The following PIP5K1A variants were observed in gnomAD, a reference collection of about 807,000 sequenced individuals.
The protein encoded by PIP5K1A is phosphatidylinositol-4-phosphate 5-kinase type 1 alpha.
In PIP5K1A, 46 loss-of-function variants were observed where a neutral mutation model predicts 72.9. The ratio of observed to expected loss-of-function variants is 0.63; its 90% CI spans 0.50 to 0.81. PIP5K1A has a LOEUF of 0.81. Among genes scored for constraint, PIP5K1A ranks in the 30% least tolerant of loss-of-function variants. The pLI, the probability that PIP5K1A is intolerant of heterozygous loss-of-function variation, is 0.00. For synonymous variants in PIP5K1A, 228 were observed against 255.1 expected (o/e 0.89, Z 1.01); for missense variants, 458 against 706.1 (o/e 0.65, Z 3.98).
chr1:151,215,586 A>G (rs922143229), intron 1 of PIP5K1A, among the ~76,000 whole-genome samples: 3 of 152,168 alleles, frequency 2.0e-5, no homozygotes, highest in Admixed American at 6.5e-5. Flanking sequence ...CACGCCTCCC[A>G]AAGTGCTGGG....
chr1:151,198,834 C>G lies in PIP5K1A; in HGVS notation c.-163C>G, dbSNP rs1011630236. 1.4e-6 allele frequency: 1 copy of G among 706,200 alleles called. No individual in the cohort carries two copies. Among genetic ancestry groups the G allele is most frequent in the Admixed American group, 2.2e-5 (1 of 45,968 alleles). 43.7% of individuals were successfully genotyped at this position (706,200 alleles called of 1,614,324 possible). On this transcript the variant is annotated 5_prime_UTR_variant, in exon 1 of 16. Coordinates refer to ENST00000368888, the MANE Select transcript of PIP5K1A (RefSeq NM_001135638.2). ...GCGAATGGTGTGGCCTTGAGCTGGT[C>G]CAGGAGCCGGCTCGACGTGTCTGAG...
At chr1:151,207,159 C>T (rs587623845) in intron 1 of PIP5K1A, among the ~76,000 whole-genome samples, 3 of 152,268 alleles carry the variant, frequency 2.0e-5, no homozygotes, top group East Asian at 1.9e-4. Flanking sequence ...CGTGAGCCAC[C>T]GCGCCTGGTC....
chr1:151,234,072 T>C, intron 7 of PIP5K1A, 125 bp from the exon 8 acceptor site: 2 of 700,246 alleles, frequency 2.9e-6, no homozygotes, highest in South Asian at 3.6e-5. Flanking sequence ...TGTAGGTTTA[T>C]GGACACATTG....
At chr1:151,241,963 T>C (rs1691793333) in intron 12 of PIP5K1A, 160 bp from the exon 13 acceptor site, 1 of 708,022 alleles carries the variant, frequency 1.4e-6, no homozygotes, top group Non-Finnish European at 2.5e-6. Context: ...CCTTGTTCTC[T>C]GAATAGTAAT....
At chr1:151,198,522 C>G (rs938681534), upstream of PIP5K1A, 16 of 193,358 alleles carry the variant, frequency 8.3e-5, no homozygotes, top group Non-Finnish European at 1.2e-4. Context: ...GCTGATGCCC[C>G]GAGAAGGTCG....
rs759433839 is a variant in PIP5K1A at position 151,231,718 on chromosome 1, C to T, written c.285C>T (p.His95=). 36 of 1,613,336 alleles carry T rather than the reference C, an allele frequency of 2.2e-5. No homozygotes were observed. Among genetic ancestry groups the T allele is most frequent in the Non-Finnish European group, 3.0e-5 (35 of 1,179,390 alleles). ...GTGCCATCCAGTTAGGCATTACCCA[C>T]ACTGTGGGGAGCCTGAGTACCAAAC... ...LKGAIQLGIT[H]TVGSLSTKPE... The change falls in exon 5 of 16, where the codon CAC becomes CAT. Residue 95 remains histidine, a synonymous_variant. Coordinates refer to ENST00000368888, the MANE Select transcript of PIP5K1A (RefSeq NM_001135638.2).
intron 1 of PIP5K1A, among the ~76,000 whole-genome samples, chr1:151,201,076 C>T (rs184970803): frequency 2.6e-5 from 4 of 152,250 alleles, no homozygotes; most frequent in South Asian, 2.1e-4. Context: ...CCCTGTGATC[C>T]GCCCGCCTTG....
chr1:151,219,996 C>T (rs1055311712), intron 1 of PIP5K1A, among the ~76,000 whole-genome samples: 2 of 151,134 alleles, frequency 1.3e-5, no homozygotes, highest in Admixed American at 1.3e-4. Context: ...CAATGCCTGT[C>T]TCTGTTTCTA....
upstream of PIP5K1A, among the ~76,000 whole-genome samples, chr1:151,195,884 ATT>A (rs1157195462): frequency 8.0e-3 from 496 of 62,158 alleles, no homozygotes; most frequent in African/African-American, 0.029. Flanking sequence ...ACACCAGCCG[ATT>A]TTTTTTTTTT....
chr1:151,230,862 A>T (rs1464973896), intron 4 of PIP5K1A, among the ~76,000 whole-genome samples: 1 of 152,204 alleles, frequency 6.6e-6, no homozygotes, highest in Non-Finnish European at 1.5e-5. Flanking sequence ...TGGCCTTGAG[A>T]CACACTAGTC....
intron 14 of PIP5K1A, 24 bp from the exon 15 acceptor site, chr1:151,246,896 C>T: frequency 6.3e-7 from 1 of 1,594,400 alleles, no homozygotes; most frequent in African/African-American, 1.3e-5. Context: ...TTTCTCTCTG[C>T]TTCCATTTTT....
chr1:151,197,929 T>C, upstream of PIP5K1A: 2 of 398,728 alleles, frequency 5.0e-6, no homozygotes, highest in Admixed American at 3.2e-5. Flanking sequence ...TAATTGACAG[T>C]TGGAGGCTAA....
intron 1 of PIP5K1A, 144 bp downstream of exon 1, chr1:151,199,225 A>T: frequency 6.8e-7 from 1 of 1,471,046 alleles, no homozygotes; most frequent in East Asian, 2.4e-5. Context: ...ATAGGGATTT[A>T]TGAGCGGGCA....
rs1220139323 is a variant in PIP5K1A at position 151,224,440 on chromosome 1, G to A, written c.156+34G>A. 3 of 1,436,224 alleles carry A rather than the reference G, an allele frequency of 2.1e-6. 1 individual carries two copies. The highest frequency in any genetic ancestry group is 3.4e-5 in the Admixed American group (2 of 58,682). The allele number at this position is 1,436,224 out of a possible 1,614,324, so 89.0% of individuals were successfully genotyped here. The stretch of plus-strand genomic sequence containing the variant: ...GAAATTATGCAACTCATCTTTTATT[G>A]TAGTTTATTTTAAATATTAACAATA... On this transcript the variant is annotated intron_variant, in intron 3 of 15. Transcript: ENST00000368888.
At chr1:151,239,432 C>A (rs1026598397) in intron 11 of PIP5K1A, among the ~76,000 whole-genome samples, 1 of 151,708 alleles carries the variant, frequency 6.6e-6, no homozygotes, top group African/African-American at 2.4e-5. Flanking sequence ...GCCACCACGC[C>A]CAGCTAATTT....
chr1:151,246,938 TG>T lies in PIP5K1A; in HGVS notation c.1660del (p.Glu554LysfsTer37), dbSNP rs755564313. On this transcript the variant is annotated frameshift_variant, in exon 15 of 16. Coordinates refer to ENST00000368888, the MANE Select transcript of PIP5K1A (RefSeq NM_001135638.2). LOFTEE classifies it high-confidence loss of function. Reference protein sequence around the residue: ...LTTSTTLEKLEVAESEFTH With the variant: ...LTTSTTLEKLXVAESEFTH ...CTGTTAGTACAACCTTGGAAAAGCTTGAAGTTGCAGAGTCAGAGTTCACCCA... is the reference window on the plus strand; with the variant it reads ...CTGTTAGTACAACCTTGGAAAAGCTTAAGTTGCAGAGTCAGAGTTCACCCA... 1.2e-5 allele frequency: 19 copies of T among 1,613,466 alleles called. No individual in the cohort carries two copies. The Admixed American group carries it at 1.7e-4, about 14-fold the overall frequency.
intron 1 of PIP5K1A, among the ~76,000 whole-genome samples, chr1:151,219,190 G>T (rs1163356095): frequency 6.6e-6 from 1 of 152,060 alleles, no homozygotes; most frequent in Admixed American, 6.6e-5. Context: ...AGACCAGGCT[G>T]GCCAACATGG....
At chr1:151,224,553 T>G (rs587625370) in intron 3 of PIP5K1A, 147 bp downstream of exon 3, 1 of 671,818 alleles carries the variant, frequency 1.5e-6, no homozygotes, top group African/African-American at 1.8e-5. Flanking sequence ...TAAGATATTC[T>G]TATTTAATCC....
intron 7 of PIP5K1A, among the ~76,000 whole-genome samples, chr1:151,233,099 CAA>C (rs11431839): frequency 7.4e-5 from 8 of 107,498 alleles, no homozygotes; most frequent in African/African-American, 1.1e-4. Context: ...GACTCCGTCT[CAA>C]AAAAAAAAAA....
Sources: allele counts gnomAD v4.1 joint callset (sites outside exome capture counted in the v4.1 genomes callset), GRCh38; gene constraint gnomAD v4.1.1; transcripts MANE v1.5; gene names NCBI Gene and HGNC (gene_info 2026-07-23, HGNC 2026-07-21).